The following SDK1 variants were observed in gnomAD, a reference collection of about 807,000 sequenced individuals.
The protein encoded by SDK1 is sidekick cell adhesion molecule 1, also known as protein sidekick-1.
SDK1 carries 157 observed loss-of-function variants against 245.5 expected under a neutral mutation model. The observed-to-expected ratio is 0.64, with a 90% CI of 0.56 to 0.73. The LOEUF (loss-of-function observed/expected upper bound fraction) is 0.73. Among genes scored for constraint, SDK1 ranks in the 30% least tolerant of loss-of-function variants. SDK1 has a pLI of 0.00. For synonymous variants in SDK1, 1,647 were observed against 1,278.5 expected, an observed-to-expected ratio of 1.29 and a Z score of -6.15; for missense variants, 3,583 against 3,002.3, an observed-to-expected ratio of 1.19 and a Z score of -4.52.
chr7:4,167,681 A>G (rs538430375), intron 32 of SDK1, among the ~76,000 whole-genome samples: 3 of 152,374 alleles, frequency 2.0e-5, no homozygotes, highest in African/African-American at 7.2e-5. Flanking sequence ...TGCTCTGGGC[A>G]TTTAAACATG....
intron 1 of SDK1, among the ~76,000 whole-genome samples, chr7:3,426,242 C>G (rs1168584658): frequency 2.0e-5 from 3 of 151,994 alleles, no homozygotes; most frequent in African/African-American, 2.4e-5. Flanking sequence ...TGCTGTGGGA[C>G]AAGAGGAAGG....
chr7:3,783,884 C>G (rs902686247), intron 4 of SDK1, among the ~76,000 whole-genome samples: 4 of 152,070 alleles, frequency 2.6e-5, no homozygotes, highest in African/African-American at 9.6e-5. Flanking sequence ...AAAATACCCC[C>G]AAATAGCCAA....
chr7:3,747,114 C>T (rs1167937166), intron 4 of SDK1, among the ~76,000 whole-genome samples: 1 of 152,118 alleles, frequency 6.6e-6, no homozygotes, highest in Admixed American at 6.5e-5. Flanking sequence ...TAACCAGGTG[C>T]ATGATGTAAT....
intron 4 of SDK1, among the ~76,000 whole-genome samples, chr7:3,792,746 A>G (rs41886): frequency 0.028 from 4,216 of 150,810 alleles, 157 homozygotes; most frequent in African/African-American, 0.086. Flanking sequence ...CCGTCCAACT[A>G]CTACCCCCTC....
Position 3,435,321 on chromosome 7 carries a change from C to CTTTTTTTTTTTTTTTTTTT in SDK1, c.298+133446_298+133464dup, listed in dbSNP as rs71029672. ...ATACTTGACTTATGAAGGGGACTGC[C>CTTTTTTTTTTTTTTTTTTT]TTTTTTTTTTTTTTTTTTTTTTTTT... On this transcript the variant is annotated intron_variant, in intron 1 of 44. Transcript: ENST00000404826. Among the ~76,000 whole-genome samples the CTTTTTTTTTTTTTTTTTTT allele has an allele frequency of 3.7e-4, 21 of 56,896 alleles. 3 individuals are homozygous for CTTTTTTTTTTTTTTTTTTT. The highest frequency in any genetic ancestry group is 9.1e-4 in the African/African-American group (10 of 10,994). 37.3% of individuals were successfully genotyped at this position (56,896 alleles called of 152,430 possible).
intron 22 of SDK1, among the ~76,000 whole-genome samples, chr7:4,097,709 G>T (rs934692042): frequency 4.5e-4 from 69 of 152,106 alleles, no homozygotes; most frequent in African/African-American, 1.6e-3. Context: ...CACTACTTCT[G>T]TCTCCTCCTT....
At chr7:4,097,631 TC>T (rs1782239907) in intron 22 of SDK1, among the ~76,000 whole-genome samples, 1 of 152,306 alleles carries the variant, frequency 6.6e-6, no homozygotes, top group South Asian at 2.1e-4. Flanking sequence ...TGTGCCCGTC[TC>T]CTGCAGGTTC....
chr7:4,139,593 A>G lies in SDK1; in HGVS notation c.4229-6129A>G, dbSNP rs201593676. On this transcript the variant is annotated intron_variant, in intron 28 of 44. Coordinates refer to ENST00000404826, the MANE Select transcript of SDK1 (RefSeq NM_152744.4). The stretch of plus-strand genomic sequence containing the variant: ...TATATGTGTGTGTGTATGTGTGTGT[A>G]TATGTATATATGTGTGTGTATATGT... Among the ~76,000 whole-genome samples, 125 of 28,690 alleles carry G rather than the reference A, an allele frequency of 4.4e-3. 23 individuals are homozygous for G. The highest frequency in any genetic ancestry group is 0.018 in the East Asian group (5 of 282). The allele number at this position is 28,690 out of a possible 152,430, so 18.8% of individuals were successfully genotyped here. A position where few individuals can be genotyped will look rare whatever the true frequency, so the allele number is the denominator to read the frequency against.
At chr7:3,584,593 G>A (rs191330541) in intron 1 of SDK1, among the ~76,000 whole-genome samples, 5 of 152,238 alleles carry the variant, frequency 3.3e-5, no homozygotes, top group Admixed American at 6.5e-5. Context: ...GTTGTTCCAC[G>A]GACTGCTCCA....
chr7:3,609,467 C>G (rs1476135872), intron 1 of SDK1, among the ~76,000 whole-genome samples: 2 of 152,122 alleles, frequency 1.3e-5, no homozygotes, highest in East Asian at 1.9e-4. Context: ...GTGGTGTGAT[C>G]TCTGCTCACT....
rs1468358927 is a variant in SDK1 at position 4,012,190 on chromosome 7, C to T, written c.2375C>T (p.Pro792Leu). ...NQSIMVQWQP[P>L]PETEHNGVLR... Reference sequence around the variant, plus strand: ...TCCATTATGGTCCAGTGGCAGCCACCCCCAGAAACAGAGCACAACGGGGTG... The same window carrying T: ...TCCATTATGGTCCAGTGGCAGCCACTCCCAGAAACAGAGCACAACGGGGTG... Residue 792 changes from proline to leucine, a missense_variant, in exon 16 of 45, where the codon CCC becomes CTC. Transcript: ENST00000404826. The T allele has an allele frequency of 1.9e-6, 3 of 1,569,568 alleles. No homozygotes were observed. Among genetic ancestry groups the T allele is most frequent in the Admixed American group, 3.8e-5 (2 of 53,278 alleles).
chr7:3,515,656 T>C (rs1352215889), intron 1 of SDK1, among the ~76,000 whole-genome samples: 1 of 152,232 alleles, frequency 6.6e-6, no homozygotes, highest in Non-Finnish European at 1.5e-5. Context: ...TTTTAGTATT[T>C]GGAAGTCATT....
intron 14 of SDK1, among the ~76,000 whole-genome samples, chr7:3,988,167 C>A (rs926574232): frequency 3.6e-5 from 5 of 137,656 alleles, no homozygotes; most frequent in Non-Finnish European, 6.2e-5. Flanking sequence ...TACCTCACTC[C>A]TGCAGCCACC....
In SDK1 at chr7:4,172,345, G is replaced by GT. The variant is rs908087917; in HGVS notation, c.4801-1876dup. On this transcript the variant is annotated intron_variant, in intron 32 of 44. Coordinates refer to ENST00000404826, the MANE Select transcript of SDK1 (RefSeq NM_152744.4). ...CATGTGCGTGTCGCATGCTGCATGC[G>GT]TGAGTGTTGAACGCGTGAGTGTTGT... Among the ~76,000 whole-genome samples, 3 of 152,282 alleles carry GT rather than the reference G, an allele frequency of 2.0e-5. No homozygotes were observed. The East Asian group carries it at 5.8e-4, about 29-fold the overall frequency.
intron 2 of SDK1, among the ~76,000 whole-genome samples, chr7:3,635,118 A>G (rs1213640879): frequency 6.6e-6 from 1 of 152,228 alleles, no homozygotes; most frequent in Non-Finnish European, 1.5e-5. Context: ...AAAGCCGCAC[A>G]TACTCCTGGT....
chr7:3,498,845 CTT>C (rs1333834576), intron 1 of SDK1, among the ~76,000 whole-genome samples: 2 of 151,346 alleles, frequency 1.3e-5, no homozygotes, highest in Admixed American at 6.6e-5. Context: ...ACTGAAGTCT[CTT>C]TTTTGGGCTC....
chr7:3,844,044 C>G (rs1239171161), intron 5 of SDK1, among the ~76,000 whole-genome samples: 1 of 152,168 alleles, frequency 6.6e-6, no homozygotes, highest in Non-Finnish European at 1.5e-5. Flanking sequence ...GATCTCTACT[C>G]ACTGCAACCT....
chr7:3,664,950 C>G (rs182286329), intron 4 of SDK1, among the ~76,000 whole-genome samples: 2 of 152,114 alleles, frequency 1.3e-5, no homozygotes, highest in East Asian at 3.9e-4. Flanking sequence ...TCCAGAGGAA[C>G]AGATGTGACC....
intron 39 of SDK1, among the ~76,000 whole-genome samples, chr7:4,220,926 G>C (rs1584476663): frequency 7.1e-6 from 1 of 141,402 alleles, no homozygotes; most frequent in South Asian, 2.2e-4. Context: ...CTGGGCTACA[G>C]GTGCAAGCCA....
Sources: gnomAD v4.1 joint callset for allele counts (sites outside exome capture counted in the v4.1 genomes callset) on GRCh38, gnomAD v4.1.1 for gene constraint, MANE v1.5 for transcripts, NCBI Gene and HGNC (gene_info 2026-07-23, HGNC 2026-07-21) for gene names.